The following TUSC3 variants were observed in gnomAD, a reference collection of about 807,000 sequenced individuals.
TUSC3 encodes dolichyl-diphosphooligosaccharide--protein glycosyltransferase subunit TUSC3.
In TUSC3, 45 loss-of-function variants were observed where a neutral mutation model predicts 44.8. That is an observed-to-expected ratio of 1.00 (90% CI 0.79 to 1.29). The LOEUF is 1.29. Among genes scored for constraint, TUSC3 ranks in the 50% most tolerant of loss-of-function variants. The probability of loss-of-function intolerance (pLI) is 0.00; values close to 1 mark genes in which losing one functional copy is unlikely to be tolerated. For synonymous variants in TUSC3, 212 were observed against 152.9 expected, an observed-to-expected ratio of 1.39 and a Z score of -2.85; for missense variants, 519 against 437.9, an observed-to-expected ratio of 1.19 and a Z score of -1.65.
intron 8 of TUSC3, among the ~76,000 whole-genome samples, chr8:15,744,471 A>G (rs1050516255): frequency 6.6e-6 from 1 of 152,124 alleles, no homozygotes; most frequent in Non-Finnish European, 1.5e-5. Context: ...TTAAAACCCA[A>G]AATTTATGTA....
intron 6 of TUSC3, among the ~76,000 whole-genome samples, chr8:15,719,603 G>T (rs1810218295): frequency 6.6e-6 from 1 of 151,250 alleles, no homozygotes; most frequent in South Asian, 2.1e-4. Flanking sequence ...CACCTGCCTA[G>T]GAATGTAACT....
At chr8:15,760,303 T>G (rs1189616382) in intron 10 of TUSC3, among the ~76,000 whole-genome samples, 3 of 152,208 alleles carry the variant, frequency 2.0e-5, no homozygotes. Context: ...CCTTGGGAAT[T>G]ATGTAATACA....
chr8:15,795,943 A>T, the TUSC3 span, among the ~76,000 whole-genome samples: 6 of 152,152 alleles, frequency 3.9e-5, no homozygotes, highest in African/African-American at 1.2e-4. Flanking sequence ...GCCACAGCGG[A>T]ACCTAAATTA....
At chr8:15,768,002 A>ATTCTAAGCT (rs1369979422), downstream of TUSC3, among the ~76,000 whole-genome samples, 2 of 152,308 alleles carry the variant, frequency 1.3e-5, no homozygotes, top group East Asian at 3.9e-4. Context: ...TCCTGAGAAG[A>ATTCTAAGCT]TTCTAAGCTT....
chr8:15,604,230 G>A (rs527746430), intron 1 of TUSC3, among the ~76,000 whole-genome samples: 27 of 151,636 alleles, frequency 1.8e-4, no homozygotes, highest in African/African-American at 5.8e-4. Flanking sequence ...TTATGGGTGC[G>A]TCTTTATACA....
chr8:15,848,251 G>A, the TUSC3 span, among the ~76,000 whole-genome samples: 2 of 152,164 alleles, frequency 1.3e-5, no homozygotes, highest in Admixed American at 1.3e-4. Flanking sequence ...AGTTCCCCAG[G>A]TGGCCTTGGA....
At chr8:15,620,867 C>A (rs1339758901) in intron 1 of TUSC3, among the ~76,000 whole-genome samples, 1 of 152,070 alleles carries the variant, frequency 6.6e-6, no homozygotes, top group African/African-American at 2.4e-5. Flanking sequence ...AATCTTTGAC[C>A]TTTTACAGTT....
chr8:15,419,949 TA>T (rs1219246754), intron 1 of TUSC3, among the ~76,000 whole-genome samples: 2 of 152,160 alleles, frequency 1.3e-5, no homozygotes, highest in Non-Finnish European at 2.9e-5. Flanking sequence ...TCCACATATT[TA>T]ATTGAAATCA....
In TUSC3 at chr8:15,430,423, C is replaced by G. The variant is rs1799857751; in HGVS notation, n.91+13118C>G. Among the ~76,000 whole-genome samples, 4 of 150,512 alleles carry G rather than the reference C, an allele frequency of 2.7e-5. No homozygotes were observed. The South Asian group carries it at 8.5e-4, about 32-fold the overall frequency. ...TGCAGAAAAGGCCTTTGACAAAGTTCAACAACCCTTCATGTTAAAAACTCT... is the reference window on the plus strand; with the variant it reads ...TGCAGAAAAGGCCTTTGACAAAGTTGAACAACCCTTCATGTTAAAAACTCT... On this transcript the variant is annotated intron_variant and non_coding_transcript_variant, in intron 1 of 5. Transcript: ENST00000503191.
At chr8:15,625,776 T>G (rs775083213) in intron 2 of TUSC3, among the ~76,000 whole-genome samples, 1 of 152,188 alleles carries the variant, frequency 6.6e-6, no homozygotes. Flanking sequence ...AAGAAGCATC[T>G]TATCACAACC....
the TUSC3 span, among the ~76,000 whole-genome samples, chr8:15,810,078 C>A: frequency 6.6e-6 from 1 of 152,076 alleles, no homozygotes; most frequent in East Asian, 1.9e-4. Context: ...TGGTAGCAAG[C>A]CGTAAACAAT....
the TUSC3 span, among the ~76,000 whole-genome samples, chr8:15,834,647 A>G: frequency 6.6e-6 from 1 of 152,266 alleles, no homozygotes; most frequent in South Asian, 2.1e-4. Context: ...CATATTTCAT[A>G]TATTTCCTAT....
intron 2 of TUSC3, among the ~76,000 whole-genome samples, chr8:15,506,693 G>A (rs955618402): frequency 2.6e-5 from 4 of 152,086 alleles, no homozygotes; most frequent in Non-Finnish European, 5.9e-5. Context: ...TCACTATCAC[G>A]AGAACAGCGC....
intron 2 of TUSC3, among the ~76,000 whole-genome samples, chr8:15,627,152 A>C (rs1472044924): frequency 6.6e-6 from 1 of 152,224 alleles, no homozygotes; most frequent in Non-Finnish European, 1.5e-5. Context: ...GGCTAGCTGC[A>C]GAGAGAAGCT....
chr8:15,761,204 G>A (rs2129224587), intron 10 of TUSC3, among the ~76,000 whole-genome samples: 1 of 152,204 alleles, frequency 6.6e-6, no homozygotes, highest in South Asian at 2.1e-4. Flanking sequence ...TAAACCTATG[G>A]AATATTAATC....
At chr8:15,492,937 C>A (rs963561054) in intron 2 of TUSC3, among the ~76,000 whole-genome samples, 5 of 151,906 alleles carry the variant, frequency 3.3e-5, no homozygotes, top group Non-Finnish European at 7.4e-5. Context: ...GAAAAAAAGA[C>A]AAAACTGTTG....
chr8:15,611,710 G>T (rs192442853), intron 1 of TUSC3, among the ~76,000 whole-genome samples: 51 of 152,238 alleles, frequency 3.4e-4, no homozygotes, highest in African/African-American at 1.1e-3. Flanking sequence ...GCCTTTAAAG[G>T]TAGTGGTGGT....
At chr8:15,615,181 TCACAATACC>T (rs937493997) in intron 1 of TUSC3, among the ~76,000 whole-genome samples, 5 of 152,192 alleles carry the variant, frequency 3.3e-5, no homozygotes, top group Non-Finnish European at 7.4e-5. Flanking sequence ...GAAGCATTAT[TCACAATACC>T]CCTGATGTGG....
At chr8:15,463,208 C>A (rs1800370195) in intron 1 of TUSC3, among the ~76,000 whole-genome samples, 1 of 152,038 alleles carries the variant, frequency 6.6e-6, no homozygotes, top group Non-Finnish European at 1.5e-5. Flanking sequence ...CATCAGGAGA[C>A]TGATTTACTA....
Sources: gnomAD v4.1 joint callset for allele counts (sites outside exome capture counted in the v4.1 genomes callset) on GRCh38, gnomAD v4.1.1 for gene constraint, MANE v1.5 for transcripts, NCBI Gene and HGNC (gene_info 2026-07-23, HGNC 2026-07-21) for gene names.